The following CRPPA variants were observed in gnomAD, a reference collection of about 807,000 sequenced individuals.
CRPPA encodes the protein D-ribitol-5-phosphate cytidylyltransferase.
In CRPPA, 43 loss-of-function variants were observed where a neutral mutation model predicts 52.0. That is an observed-to-expected ratio of 0.83 (90% CI 0.65 to 1.07). The LOEUF (loss-of-function observed/expected upper bound fraction) is 1.07. Among genes scored for constraint, CRPPA ranks in the 50% least tolerant of loss-of-function variants. The pLI is 0.00. For synonymous variants in CRPPA, 250 were observed against 203.5 expected, an observed-to-expected ratio of 1.23 and a Z score of -1.94; for missense variants, 629 against 551.7, an observed-to-expected ratio of 1.14 and a Z score of -1.40.
At chr7:16,111,428 C>G (rs1177838067) in intron 9 of CRPPA, among the ~76,000 whole-genome samples, 2 of 152,100 alleles carry the variant, frequency 1.3e-5, no homozygotes, top group East Asian at 1.9e-4. Context: ...GGATATCTAC[C>G]AAAAGATTTA....
chr7:16,147,887 T>C (rs1291348861), intron 9 of CRPPA, among the ~76,000 whole-genome samples: 1 of 152,186 alleles, frequency 6.6e-6, no homozygotes, highest in African/African-American at 2.4e-5. Flanking sequence ...TCATCCTGTT[T>C]ATTAATACAA....
intron 9 of CRPPA, among the ~76,000 whole-genome samples, chr7:16,107,015 AC>A (rs1397585765): frequency 1.3e-5 from 2 of 152,118 alleles, no homozygotes; most frequent in Admixed American, 1.3e-4. Context: ...TCAACAGCAG[AC>A]TCAATTAAGC....
intron 9 of CRPPA, among the ~76,000 whole-genome samples, chr7:16,109,609 C>T (rs1396054047): frequency 6.6e-6 from 1 of 151,784 alleles, no homozygotes; most frequent in Non-Finnish European, 1.5e-5. Context: ...AACCGAACAA[C>T]AAATTAAAAG....
chr7:16,405,966 A>G (rs1787942429), intron 2 of CRPPA, 95 bp downstream of exon 2: 2 of 1,130,168 alleles, frequency 1.8e-6, no homozygotes, highest in Non-Finnish European at 2.5e-6. Context: ...CATTTTAAAT[A>G]ATTTGACATT....
chr7:16,221,377 A>C (rs1250902641), intron 8 of CRPPA, among the ~76,000 whole-genome samples: 1 of 152,226 alleles, frequency 6.6e-6, no homozygotes, highest in Non-Finnish European at 1.5e-5. Context: ...TTCAGGACAT[A>C]GGCATGGGCA....
chr7:16,236,190 A>C (rs1162445588), intron 8 of CRPPA, among the ~76,000 whole-genome samples: 1 of 152,134 alleles, frequency 6.6e-6, no homozygotes, highest in Non-Finnish European at 1.5e-5. Context: ...ACATTAACTA[A>C]GAAAATTTAA....
intron 9 of CRPPA, among the ~76,000 whole-genome samples, chr7:16,178,987 G>A (rs928475258): frequency 1.3e-5 from 2 of 152,056 alleles, no homozygotes; most frequent in Non-Finnish European, 2.9e-5. Context: ...AGAGCAAACT[G>A]TGTATGCCTT....
intron 2 of CRPPA, among the ~76,000 whole-genome samples, chr7:16,403,236 C>T (rs1162002948): frequency 6.6e-6 from 1 of 152,096 alleles, no homozygotes; most frequent in East Asian, 1.9e-4. Context: ...TGCTCCCGAA[C>T]TTATGGAAGC....
At chr7:16,157,138 G>A (rs1357263340) in intron 9 of CRPPA, among the ~76,000 whole-genome samples, 1 of 150,942 alleles carries the variant, frequency 6.6e-6, no homozygotes, top group Non-Finnish European at 1.5e-5. Flanking sequence ...AATATTTATT[G>A]TGTTTTTGAG....
At chr7:16,097,323 G>GT (rs2128362703) in intron 9 of CRPPA, among the ~76,000 whole-genome samples, 1 of 152,160 alleles carries the variant, frequency 6.6e-6, no homozygotes, top group East Asian at 1.9e-4. Flanking sequence ...TAATAGCTGT[G>GT]TTTTAAGACT....
intron 2 of CRPPA, among the ~76,000 whole-genome samples, chr7:16,389,932 T>A (rs56288539): frequency 0.08 from 4,582 of 57,042 alleles, 169 homozygotes; most frequent in African/African-American, 0.1. Flanking sequence ...AAAAAAAATA[T>A]ATATATATAT....
intron 9 of CRPPA, among the ~76,000 whole-genome samples, chr7:16,178,657 C>A (rs1371480298): frequency 1.3e-5 from 2 of 152,028 alleles, no homozygotes; most frequent in African/African-American, 4.8e-5. Flanking sequence ...GGCAGACTAT[C>A]AGTGACTTAT....
At chr7:16,117,636 G>A (rs144496765) in intron 9 of CRPPA, among the ~76,000 whole-genome samples, 472 of 152,298 alleles carry the variant, frequency 3.1e-3, no homozygotes, top group Non-Finnish European at 5.2e-3. Flanking sequence ...ACTTGGAAGT[G>A]GCTTTGGCAG....
intron 8 of CRPPA, among the ~76,000 whole-genome samples, chr7:16,220,915 GA>G (rs1221136402): frequency 6.6e-6 from 1 of 152,158 alleles, no homozygotes; most frequent in Non-Finnish European, 1.5e-5. Flanking sequence ...AGCTACCAGT[GA>G]CTTTCTTCAC....
rs190641793 is a variant in CRPPA, at chr7:16,130,371, G to A, written c.1252-38572C>T. 1.3e-3 allele frequency among the ~76,000 whole-genome samples: 196 copies of A among 152,214 alleles called. 1 individual carries two copies. The highest frequency in any genetic ancestry group is 4.4e-3 in the African/African-American group (181 of 41,566). On this transcript the variant is annotated intron_variant, in intron 9 of 9. Transcript: ENST00000407010. ...CAAGCTACAAGGCTGGCTGGGAAAT[G>A]CTATTCCAAATAAAAACTGAGTTTC...
At chr7:16,244,500 A>G (rs1169687378) in intron 8 of CRPPA, among the ~76,000 whole-genome samples, 4 of 152,190 alleles carry the variant, frequency 2.6e-5, no homozygotes, top group African/African-American at 7.2e-5. Context: ...AAGTATTTTT[A>G]TATACTTGAG....
chr7:16,408,390 G>A (rs918996868), intron 1 of CRPPA, among the ~76,000 whole-genome samples: 1 of 152,150 alleles, frequency 6.6e-6, no homozygotes, highest in South Asian at 2.1e-4. Context: ...AGAGAGGACT[G>A]GTCCAAGTAA....
intron 9 of CRPPA, among the ~76,000 whole-genome samples, chr7:16,122,940 C>A (rs1030656793): frequency 6.6e-6 from 1 of 151,984 alleles, no homozygotes. Context: ...TTCTGCCACT[C>A]ATGAGTTATA....
intron 3 of CRPPA, among the ~76,000 whole-genome samples, chr7:16,346,640 T>C (rs965351541): frequency 3.3e-5 from 5 of 152,154 alleles, no homozygotes; most frequent in East Asian, 1.9e-4. Flanking sequence ...GGTAGAATAA[T>C]GTACTCACAC....
Sources: allele counts gnomAD v4.1 joint callset (sites outside exome capture counted in the v4.1 genomes callset), GRCh38; gene constraint gnomAD v4.1.1; transcripts MANE v1.5; gene names NCBI Gene and HGNC (gene_info 2026-07-23, HGNC 2026-07-21).